B4GALT6: variants seen among roughly 807,000 people sequenced by gnomAD.
The protein encoded by B4GALT6 is UDP-Gal:beta-GlcNAc beta-1,4-galactosyltransferase 6.
B4GALT6 carries 14 observed loss-of-function variants against 46.3 expected under a neutral mutation model. The observed-to-expected ratio is 0.30, with a 90% CI of 0.20 to 0.47. The LOEUF is 0.47. Ranked by LOEUF, B4GALT6 falls within the 20% of genes least tolerant of loss-of-function variation. The probability of loss-of-function intolerance (pLI) is 0.99; values close to 1 mark genes in which losing one functional copy is unlikely to be tolerated. For synonymous variants in B4GALT6, 168 were observed against 162.0 expected (o/e 1.04, Z -0.28); for missense variants, 386 against 480.1 (o/e 0.80, Z 1.83).
the B4GALT6 span, among the ~76,000 whole-genome samples, chr18:31,703,624 T>C: frequency 6.6e-6 from 1 of 152,184 alleles, no homozygotes; most frequent in Non-Finnish European, 1.5e-5. Flanking sequence ...TTCAGCAGTA[T>C]AGGAGAGATG....
chr18:31,644,724 C>T (rs1447031983), intron 4 of B4GALT6, among the ~76,000 whole-genome samples: 3 of 152,088 alleles, frequency 2.0e-5, no homozygotes, highest in Non-Finnish European at 4.4e-5. Context: ...CAAACCCACC[C>T]CCTTACAGTT....
chr18:31,680,770 A>G (rs1287128143), intron 1 of B4GALT6, among the ~76,000 whole-genome samples: 1 of 152,222 alleles, frequency 6.6e-6, no homozygotes, highest in African/African-American at 2.4e-5. Flanking sequence ...TCTGCCAGGA[A>G]TTTTAGAGAC....
intron 1 of B4GALT6, among the ~76,000 whole-genome samples, chr18:31,678,826 G>T (rs1454700980): frequency 6.6e-6 from 1 of 152,212 alleles, no homozygotes; most frequent in Non-Finnish European, 1.5e-5. Context: ...CTTGGACAGG[G>T]GGGCAAACGC....
Position 31,623,899 on chromosome 18 carries a change from T to C in B4GALT6, c.*1715A>G, listed in dbSNP as rs1351703759. ...TAGTTCTGTTTTAGGTAAACAATCC[T>C]TGAGGCAAATATTATCCAAACGTTT... is the stretch of plus-strand genomic sequence containing the variant. On this transcript the variant is annotated 3_prime_UTR_variant, in exon 9 of 9. Transcript: ENST00000306851. 5 of 152,168 alleles carry C rather than the reference T, an allele frequency of 3.3e-5. No individual in the cohort carries two copies. Among genetic ancestry groups the C allele is most frequent in the Non-Finnish European group, 2.9e-5 (2 of 67,868 alleles). The allele number at this position is 152,168 out of a possible 1,614,324, so 9.4% of individuals were successfully genotyped here.
intron 1 of B4GALT6, among the ~76,000 whole-genome samples, chr18:31,683,580 CAA>C (rs1221619429): frequency 5.9e-5 from 9 of 152,134 alleles, no homozygotes; most frequent in Non-Finnish European, 8.8e-5. Flanking sequence ...AGCAGTTTTA[CAA>C]AAGTGTATTT....
At chr18:31,684,809 G>A (rs2074526372), upstream of B4GALT6, 20 of 1,025,488 alleles carry the variant, frequency 2.0e-5, no homozygotes, top group Admixed American at 5.1e-5. Context: ...TGCGCGCCGC[G>A]GCGCCCCTGC....
rs893379803 is a variant in B4GALT6, at chr18:31,657,687, T to C, written c.346+289A>G. 2.6e-5 allele frequency among the ~76,000 whole-genome samples: 4 copies of C among 152,184 alleles called. No individual in the cohort carries two copies. The East Asian group carries it at 5.8e-4, about 22-fold the overall frequency. ...CTCTTAAGCACTGTTTTAAAAGAACTTGGACATAGGTAAGCCGAAGTATTA... is the reference window on the plus strand; with the variant it reads ...CTCTTAAGCACTGTTTTAAAAGAACCTGGACATAGGTAAGCCGAAGTATTA... On this transcript the variant is annotated intron_variant, in intron 3 of 8. Transcript: ENST00000306851.
chr18:31,630,886 AC>A, intron 6 of B4GALT6, 72 bp downstream of exon 6: 1 of 1,506,728 alleles, frequency 6.6e-7, no homozygotes, highest in Admixed American at 1.7e-5. Flanking sequence ...TAGGGACATA[AC>A]GCTGCTACCA....
intron 3 of B4GALT6, among the ~76,000 whole-genome samples, chr18:31,655,608 A>G (rs2074128988): frequency 6.6e-6 from 1 of 152,232 alleles, no homozygotes; most frequent in South Asian, 2.1e-4. Flanking sequence ...GCTTTGAAAT[A>G]GAGTTTAATT....
chr18:31,723,917 A>G, the B4GALT6 span, among the ~76,000 whole-genome samples: 11 of 152,214 alleles, frequency 7.2e-5, no homozygotes, highest in East Asian at 1.6e-3. Context: ...GCAAGGTCCC[A>G]TAACTTCCTT....
intron 3 of B4GALT6, among the ~76,000 whole-genome samples, chr18:31,653,239 C>A (rs2074096565): frequency 6.6e-6 from 1 of 151,816 alleles, no homozygotes. Context: ...TTCCCATACA[C>A]GCCACTTAAC....
the B4GALT6 span, among the ~76,000 whole-genome samples, chr18:31,703,054 A>G: frequency 1.8e-4 from 28 of 152,212 alleles, 1 homozygote; most frequent in Admixed American, 1.8e-3. Flanking sequence ...TACTGTTGCA[A>G]GTTTTTAAAT....
the B4GALT6 span, among the ~76,000 whole-genome samples, chr18:31,695,376 C>T: frequency 2.6e-5 from 4 of 151,754 alleles, no homozygotes; most frequent in Admixed American, 6.6e-5. Flanking sequence ...GGAATATTGT[C>T]CCCACAGTCA....
At chr18:31,678,628 C>T (rs1295135423) in intron 1 of B4GALT6, among the ~76,000 whole-genome samples, 5 of 152,238 alleles carry the variant, frequency 3.3e-5, no homozygotes, top group African/African-American at 4.8e-5. Context: ...GTCCTTCCTT[C>T]TCTCATTTCA....
At chr18:31,648,181 T>G (rs2074015909) in intron 3 of B4GALT6, among the ~76,000 whole-genome samples, 1 of 152,096 alleles carries the variant, frequency 6.6e-6, no homozygotes, top group Non-Finnish European at 1.5e-5. Context: ...AATCTGAGAT[T>G]GGTTGTTGTT....
chr18:31,664,049 T>C (rs2074252468), intron 2 of B4GALT6, among the ~76,000 whole-genome samples: 1 of 152,170 alleles, frequency 6.6e-6, no homozygotes, highest in Admixed American at 6.5e-5. Context: ...TTCTAGCCAA[T>C]TAAATGTATG....
the B4GALT6 span, among the ~76,000 whole-genome samples, chr18:31,709,219 C>A: frequency 6.6e-6 from 1 of 151,598 alleles, no homozygotes; most frequent in Non-Finnish European, 1.5e-5. Context: ...TTTAAAAATT[C>A]AAATTTATGT....
intron 2 of B4GALT6, among the ~76,000 whole-genome samples, chr18:31,659,247 G>C (rs2074181901): frequency 6.6e-6 from 1 of 152,198 alleles, no homozygotes; most frequent in Admixed American, 6.5e-5. Context: ...TAAACCCTCT[G>C]ACCATAGGGA....
chr18:31,672,636 ACT>A (rs1265835273), intron 1 of B4GALT6, among the ~76,000 whole-genome samples: 1 of 152,110 alleles, frequency 6.6e-6, no homozygotes, highest in Non-Finnish European at 1.5e-5. Flanking sequence ...AATTCAGCAT[ACT>A]CTCTTTGTCA....
Sources: allele counts gnomAD v4.1 joint callset (sites outside exome capture counted in the v4.1 genomes callset), GRCh38; gene constraint gnomAD v4.1.1; transcripts MANE v1.5; gene names NCBI Gene and HGNC (gene_info 2026-07-23, HGNC 2026-07-21).